The following SH3RF3 variants were observed in gnomAD, a reference collection of about 807,000 sequenced individuals.
SH3RF3 encodes the protein E3 ubiquitin-protein ligase SH3RF3.
A neutral mutation model predicts 66.3 loss-of-function variants in SH3RF3; 29 were observed. The ratio of observed to expected loss-of-function variants is 0.44; its 90% CI spans 0.33 to 0.60. The LOEUF is 0.60. Among genes scored for constraint, SH3RF3 ranks in the 20% least tolerant of loss-of-function variants. The probability of loss-of-function intolerance (pLI) is 0.04; values close to 1 mark genes in which losing one functional copy is unlikely to be tolerated. For synonymous variants in SH3RF3, 583 were observed against 532.0 expected, an observed-to-expected ratio of 1.10 and a Z score of -1.32; for missense variants, 1,194 against 1,190.9, an observed-to-expected ratio of 1.00 and a Z score of -0.04.
intron 1 of SH3RF3, among the ~76,000 whole-genome samples, chr2:109,174,073 T>C (rs1008217489): frequency 2.6e-5 from 4 of 152,344 alleles, no homozygotes; most frequent in African/African-American, 9.6e-5. Flanking sequence ...AGTGTCCCCA[T>C]AGCCTTCCTT....
intron 2 of SH3RF3, among the ~76,000 whole-genome samples, chr2:109,365,803 G>C (rs1683142346): frequency 6.6e-6 from 1 of 152,176 alleles, no homozygotes; most frequent in African/African-American, 2.4e-5. Context: ...GACTGTACTT[G>C]TGAACTATGA....
chr2:109,387,242 C>A (rs1382229623), intron 3 of SH3RF3, among the ~76,000 whole-genome samples: 1 of 152,212 alleles, frequency 6.6e-6, no homozygotes, highest in African/African-American at 2.4e-5. Flanking sequence ...ATTCTCATAA[C>A]ATGATTGCAG....
intron 3 of SH3RF3, among the ~76,000 whole-genome samples, chr2:109,373,929 C>T (rs922895288): frequency 3.3e-5 from 5 of 152,050 alleles, no homozygotes; most frequent in African/African-American, 7.3e-5. Flanking sequence ...GGTGCAGGCC[C>T]GAGACCCAGT....
At chr2:109,358,033 T>C (rs1478011708) in intron 2 of SH3RF3, among the ~76,000 whole-genome samples, 1 of 152,218 alleles carries the variant, frequency 6.6e-6, no homozygotes, top group Non-Finnish European at 1.5e-5. Context: ...CTGAAAATCC[T>C]CTGACCTGTC....
intron 1 of SH3RF3, among the ~76,000 whole-genome samples, chr2:109,305,933 T>C (rs1574562712): frequency 6.6e-6 from 1 of 151,704 alleles, no homozygotes; most frequent in Admixed American, 6.6e-5. Context: ...CTCCAGCTGC[T>C]CCTCCAGCTG....
intron 4 of SH3RF3, among the ~76,000 whole-genome samples, chr2:109,408,525 C>T (rs1000099612): frequency 3.9e-5 from 6 of 152,340 alleles, no homozygotes; most frequent in Non-Finnish European, 8.8e-5. Flanking sequence ...CACGCGCTCA[C>T]GCCCAGGCCG....
At chr2:109,163,565 AT>A (rs1677544867) in intron 1 of SH3RF3, among the ~76,000 whole-genome samples, 1 of 150,394 alleles carries the variant, frequency 6.6e-6, no homozygotes, top group Non-Finnish European at 1.5e-5. Flanking sequence ...CGCCCGGCTA[AT>A]TTTTTTGTAT....
intron 1 of SH3RF3, chr2:109,251,408 A>T: frequency 1.4e-6 from 1 of 696,260 alleles, no homozygotes; most frequent in Non-Finnish European, 2.7e-6. Flanking sequence ...CTGTGAGTGC[A>T]TGGAGTAGAC....
intron 1 of SH3RF3, among the ~76,000 whole-genome samples, chr2:109,296,399 TTG>T (rs1254440324): frequency 6.6e-5 from 10 of 151,684 alleles, no homozygotes; most frequent in Admixed American, 2.6e-4. Flanking sequence ...AGTTTTTTTT[TTG>T]TGTGTGTGTT....
intron 6 of SH3RF3, among the ~76,000 whole-genome samples, chr2:109,433,931 G>A (rs1677323877): frequency 1.3e-5 from 2 of 152,228 alleles, no homozygotes. Flanking sequence ...TACTTAGAGG[G>A]TGAGCTGCCC....
At chr2:109,433,805 A>C (rs565285622) in intron 6 of SH3RF3, among the ~76,000 whole-genome samples, 1 of 152,334 alleles carries the variant, frequency 6.6e-6, no homozygotes, top group African/African-American at 2.4e-5. Context: ...CTGAAGGGGC[A>C]GTTAGAGATC....
Position 109,382,111 on chromosome 2 carries a change from G to C in SH3RF3, c.945+10430G>C, listed in dbSNP as rs1006102457. Among the ~76,000 whole-genome samples, 7 of 152,200 alleles carry C rather than the reference G, an allele frequency of 4.6e-5. No homozygotes were observed. The East Asian group carries it at 1.4e-3, about 29-fold the overall frequency. ...AAGGGCTGTCCTCTGTCCCATCAGA[G>C]TTGCAGTGGTCTGGGTTATAAATCA... On this transcript the variant is annotated intron_variant, in intron 3 of 9. Transcript: ENST00000309415.
At chr2:109,426,063 A>C (rs1204530140) in intron 5 of SH3RF3, among the ~76,000 whole-genome samples, 2 of 152,088 alleles carry the variant, frequency 1.3e-5, no homozygotes, top group Non-Finnish European at 2.9e-5. Flanking sequence ...ACGCCCAGCT[A>C]ATTTTTGTAT....
intron 1 of SH3RF3, among the ~76,000 whole-genome samples, chr2:109,157,040 G>A (rs755381367): frequency 2.6e-5 from 4 of 152,284 alleles, no homozygotes; most frequent in Admixed American, 6.5e-5. Flanking sequence ...CATAGGATTT[G>A]CATCATCTGA....
chr2:109,250,132 T>G (rs1032090661), intron 1 of SH3RF3, among the ~76,000 whole-genome samples: 2 of 151,792 alleles, frequency 1.3e-5, no homozygotes, highest in Non-Finnish European at 2.9e-5. Context: ...TGTTTTTATC[T>G]GTCCTTAAGG....
intron 1 of SH3RF3, among the ~76,000 whole-genome samples, chr2:109,184,336 G>A (rs562502285): frequency 5.9e-5 from 9 of 152,292 alleles, no homozygotes; most frequent in South Asian, 2.1e-4. Flanking sequence ...AAAATAAGAC[G>A]TTTATCGCAC....
chr2:109,271,929 G>T lies in SH3RF3; in HGVS notation c.574-75745G>T, dbSNP rs76129386. ...CTACGCACACACACTCACAGCCCTG[G>T]ATCCTCCTTTGTGTGTGTTCTTTCA... On this transcript the variant is annotated intron_variant, in intron 1 of 9. Coordinates refer to ENST00000309415, the MANE Select transcript of SH3RF3 (RefSeq NM_001099289.3). Among the ~76,000 whole-genome samples, 1,231 of 152,310 alleles carry T rather than the reference G, an allele frequency of 8.1e-3. 12 individuals are homozygous for T. Among genetic ancestry groups the T allele is most frequent in the East Asian group, 0.037 (193 of 5,184 alleles).
chr2:109,275,729 A>G (rs957218476), intron 1 of SH3RF3, among the ~76,000 whole-genome samples: 1 of 152,054 alleles, frequency 6.6e-6, no homozygotes, highest in East Asian at 1.9e-4. Flanking sequence ...TTTGCCGGGT[A>G]CCCTTCCTCT....
chr2:109,319,047 C>G (rs73955522), intron 1 of SH3RF3, among the ~76,000 whole-genome samples: 2,900 of 152,288 alleles, frequency 0.019, 99 homozygotes, highest in African/African-American at 0.066. Context: ...CTCCATCGAT[C>G]CTGGTGTTTG....
Sources: allele counts gnomAD v4.1 joint callset (sites outside exome capture counted in the v4.1 genomes callset), GRCh38; gene constraint gnomAD v4.1.1; transcripts MANE v1.5; gene names NCBI Gene and HGNC (gene_info 2026-07-23, HGNC 2026-07-21).